The following SLIT3 variants were observed in gnomAD, a reference collection of about 807,000 sequenced individuals.
SLIT3 encodes slit homolog 3 protein.
SLIT3 carries 68 observed loss-of-function variants against 184.0 expected under a neutral mutation model. The ratio of observed to expected loss-of-function variants is 0.37; its 90% CI spans 0.30 to 0.45. SLIT3 has a LOEUF of 0.45. SLIT3 is among the 20% of genes least tolerant of loss of function. SLIT3 has a pLI of 1.00. For synonymous variants in SLIT3, 831 were observed against 828.6 expected (o/e 1.00, Z -0.05); for missense variants, 1,707 against 2,026.0 (o/e 0.84, Z 3.02).
At chr5:169,235,994 C>T (rs1765185938) in intron 3 of SLIT3, among the ~76,000 whole-genome samples, 1 of 152,208 alleles carries the variant, frequency 6.6e-6, no homozygotes, top group Non-Finnish European at 1.5e-5. Context: ...GGAAGTGTCT[C>T]TGTGAAGTCC....
intron 3 of SLIT3, among the ~76,000 whole-genome samples, chr5:169,244,433 G>C (rs1034725248): frequency 3.9e-5 from 6 of 152,198 alleles, no homozygotes; most frequent in African/African-American, 1.2e-4. Context: ...CCCTTATACA[G>C]GTACCAAGAC....
chr5:169,253,895 G>T (rs1765860279), intron 1 of SLIT3, among the ~76,000 whole-genome samples: 1 of 152,198 alleles, frequency 6.6e-6, no homozygotes, highest in Non-Finnish European at 1.5e-5. Flanking sequence ...CCCACTGCCT[G>T]TCCTTCGCAG....
chr5:169,065,956 TC>T (rs1758337132), intron 4 of SLIT3, among the ~76,000 whole-genome samples: 1 of 152,228 alleles, frequency 6.6e-6, no homozygotes, highest in African/African-American at 2.4e-5. Flanking sequence ...ATGAACTTCA[TC>T]ACATTTGTTA....
chr5:168,689,788 G>T (rs17634452), intron 29 of SLIT3, among the ~76,000 whole-genome samples: 7,493 of 152,286 alleles, frequency 0.049, 265 homozygotes, highest in Non-Finnish European at 0.069. Context: ...CCTACAGGCT[G>T]CCATAGGATA....
chr5:169,274,178 A>T (rs558141463), intron 1 of SLIT3, among the ~76,000 whole-genome samples: 3 of 152,290 alleles, frequency 2.0e-5, no homozygotes, highest in Non-Finnish European at 4.4e-5. Context: ...TTTGTGTTTT[A>T]ACAAGCCCTC....
intron 4 of SLIT3, among the ~76,000 whole-genome samples, chr5:169,074,363 G>A (rs1158836437): frequency 1.3e-5 from 2 of 152,110 alleles, no homozygotes; most frequent in Non-Finnish European, 1.5e-5. Context: ...TCTGTGGCTT[G>A]AGTGTGTATC....
intron 4 of SLIT3, among the ~76,000 whole-genome samples, chr5:168,899,756 G>C (rs1334301938): frequency 1.3e-5 from 2 of 151,896 alleles, no homozygotes; most frequent in Non-Finnish European, 2.9e-5. Flanking sequence ...TTGGTTAAAC[G>C]CTTGAGTTCT....
In SLIT3 at chr5:168,861,743, G is replaced by T. The variant is rs188329064; in HGVS notation, c.486-17088C>A. ...TGTGGACCATTCTAATGGCTGGAAAGGTGTAAATGCTGTGAAGCAATTTCA... is the reference window on the plus strand; with the variant it reads ...TGTGGACCATTCTAATGGCTGGAAATGTGTAAATGCTGTGAAGCAATTTCA... On this transcript the variant is annotated intron_variant, in intron 5 of 35. Coordinates refer to ENST00000519560, the MANE Select transcript of SLIT3 (RefSeq NM_003062.4). 2.0e-5 allele frequency among the ~76,000 whole-genome samples: 3 copies of T among 152,264 alleles called. No homozygotes were observed. The East Asian group carries it at 5.8e-4, about 29-fold the overall frequency.
intron 5 of SLIT3, among the ~76,000 whole-genome samples, chr5:168,870,398 C>T (rs981823751): frequency 6.6e-6 from 1 of 152,198 alleles, no homozygotes; most frequent in African/African-American, 2.4e-5. Flanking sequence ...AGCCCTAAGC[C>T]CCATTCCAGG....
intron 27 of SLIT3, among the ~76,000 whole-genome samples, chr5:168,700,171 T>C (rs1762172534): frequency 6.6e-6 from 1 of 152,216 alleles, no homozygotes; most frequent in South Asian, 2.1e-4. Context: ...TCTGCTTCTT[T>C]AGCCTGCCCA....
intron 5 of SLIT3, among the ~76,000 whole-genome samples, chr5:168,862,589 C>T (rs537293203): frequency 3.9e-5 from 6 of 152,272 alleles, no homozygotes; most frequent in East Asian, 3.9e-4. Flanking sequence ...CACTCAGCCA[C>T]GACCCTCTCC....
At chr5:168,836,301 G>A (rs931477127) in intron 6 of SLIT3, among the ~76,000 whole-genome samples, 25 of 152,216 alleles carry the variant, frequency 1.6e-4, no homozygotes, top group Admixed American at 3.3e-4. Flanking sequence ...GTCATGGGAT[G>A]AGCGCTGATC....
Position 168,666,705 on chromosome 5 carries a change from A to AAGTC in SLIT3, c.4337-20_4337-17dup, listed in dbSNP as rs1346693630. 1.2e-6 allele frequency: 2 copies of AAGTC among 1,613,964 alleles called. No individual in the cohort carries two copies. On this transcript the variant is annotated splice_polypyrimidine_tract_variant and intron_variant, in intron 35 of 35. Transcript: ENST00000519560. ...CACGGATTCTCTGCAGAGGGCATAG[A>AAGTC]AGTCAGGGCATTGGTGGTCTAGGTG...
chr5:168,893,903 T>C, intron 4 of SLIT3, among the ~76,000 whole-genome samples: 1 of 152,168 alleles, frequency 6.6e-6, no homozygotes. Flanking sequence ...ATGTGATAAT[T>C]AGCAAAAATT....
chr5:169,024,126 A>T (rs1238986313), intron 4 of SLIT3: 1 of 152,308 alleles, frequency 6.6e-6, no homozygotes, highest in Non-Finnish European at 1.5e-5. Context: ...CCAGCTGCTA[A>T]GCCTCTGAGC....
At chr5:169,287,522 C>A (rs909166235) in intron 1 of SLIT3, among the ~76,000 whole-genome samples, 7 of 152,174 alleles carry the variant, frequency 4.6e-5, no homozygotes, top group Non-Finnish European at 2.9e-5. Context: ...CACCAGGAAG[C>A]TGAGGTCCTC....
Position 169,006,944 on chromosome 5 carries a change from C to A in SLIT3, c.414-123608G>T, listed in dbSNP as rs1489970019. On this transcript the variant is annotated intron_variant, in intron 4 of 35. Transcript: ENST00000519560. ...CACGCAGCCCTGCCCACCCCACCCC[C>A]CAACTGCAACCTGTAATGTGGTTAG... 2.6e-5 allele frequency among the ~76,000 whole-genome samples: 4 copies of A among 152,108 alleles called. No individual in the cohort carries two copies. The South Asian group carries it at 8.3e-4, about 31-fold the overall frequency.
chr5:168,934,482 G>C (rs566416114), intron 4 of SLIT3, among the ~76,000 whole-genome samples: 1 of 152,234 alleles, frequency 6.6e-6, no homozygotes, highest in Non-Finnish European at 1.5e-5. Flanking sequence ...GGAAGAAACA[G>C]AGGACAATCT....
At chr5:168,958,015 G>C (rs1762887775) in intron 4 of SLIT3, among the ~76,000 whole-genome samples, 3 of 152,130 alleles carry the variant, frequency 2.0e-5, no homozygotes, top group Non-Finnish European at 1.5e-5. Context: ...ATGTCTTTCT[G>C]AAATGTTTTT....
Sources: allele counts gnomAD v4.1 joint callset (sites outside exome capture counted in the v4.1 genomes callset), GRCh38; gene constraint gnomAD v4.1.1; transcripts MANE v1.5; gene names NCBI Gene and HGNC (gene_info 2026-07-23, HGNC 2026-07-21).